BZW1: variants seen among roughly 807,000 people sequenced by gnomAD.
BZW1 encodes the protein basic leucine zipper and W2 domains 1, also known as eIF5-mimic protein 2.
A neutral mutation model predicts 54.1 loss-of-function variants in BZW1; 3 were observed. The observed-to-expected ratio is 0.06, with a 90% CI of 0.03 to 0.14. The LOEUF is 0.14. Ranked by LOEUF, BZW1 falls within the 10% of genes least tolerant of loss-of-function variation. The probability of loss-of-function intolerance (pLI) is 1.00; values close to 1 mark genes in which losing one functional copy is unlikely to be tolerated. For synonymous variants in BZW1, 152 were observed against 162.7 expected (o/e 0.93, Z 0.50); for missense variants, 206 against 491.7 (o/e 0.42, Z 5.50).
At chr2:200,815,072 A>G (rs577836319) in intron 2 of BZW1, among the ~76,000 whole-genome samples, 11 of 152,364 alleles carry the variant, frequency 7.2e-5, no homozygotes, top group African/African-American at 2.6e-4. Context: ...AAAAGCCAAG[A>G]GGCAGTAGGA....
chr2:200,814,668 T>A (rs959798681), intron 2 of BZW1, among the ~76,000 whole-genome samples: 29 of 152,200 alleles, frequency 1.9e-4, no homozygotes, highest in African/African-American at 6.8e-4. Flanking sequence ...GCATGGCGAG[T>A]GAGACTATTT....
chr2:200,816,237 C>A, intron 4 of BZW1, 88 bp from the exon 5 acceptor site: 3 of 896,432 alleles, frequency 3.3e-6, no homozygotes, highest in South Asian at 2.1e-5. Context: ...GTTTAAGCAG[C>A]TCATAAACTT....
chr2:200,812,413 C>T (rs774608455), intron 1 of BZW1: 4 of 1,279,370 alleles, frequency 3.1e-6, no homozygotes, highest in Admixed American at 8.1e-5. Flanking sequence ...GGCGGATGTA[C>T]GGGGCGCCTG....
intron 1 of BZW1, chr2:200,812,227 T>C: frequency 8.1e-7 from 1 of 1,228,332 alleles, no homozygotes; most frequent in Non-Finnish European, 1.0e-6. Context: ...CGGCGCTGGC[T>C]GCGAAGGCAG....
Position 200,815,272 on chromosome 2 carries a change from A to G in BZW1, c.65-69A>G, listed in dbSNP as rs142423808. 8.3e-5 allele frequency: 118 copies of G among 1,428,668 alleles called. No individual in the cohort carries two copies. In the East Asian group the frequency reaches 2.7e-3, roughly 32 times the overall value. 88.5% of individuals were successfully genotyped at this position (1,428,668 alleles called of 1,614,324 possible). On this transcript the variant is annotated intron_variant, in intron 2 of 11. Transcript: ENST00000409600. ...CTTATTTAACAATTGCATCTTCATA[A>G]GGTGATAGTTTTGTGGCATTTTGGT...
intron 3 of BZW1, 25 bp from the exon 4 acceptor site, chr2:200,815,642 G>T (rs768125401): frequency 6.3e-7 from 1 of 1,584,466 alleles, no homozygotes; most frequent in Non-Finnish European, 8.6e-7. Context: ...TGGTTTTGTT[G>T]TATTTTGGTT....
In BZW1 at chr2:200,825,879, C is replaced by T. The variant is rs1320892920; in HGVS notation, c.*3701C>T. The T allele has an allele frequency of 1.3e-5, 2 of 152,200 alleles. No individual in the cohort carries two copies. The highest frequency in any genetic ancestry group is 6.3e-3 in the Middle Eastern group (2 of 316). 9.4% of individuals were successfully genotyped at this position (152,200 alleles called of 1,614,324 possible). A position where few individuals can be genotyped will look rare whatever the true frequency, so the allele number is the denominator to read the frequency against. ...CCAAATTACCTTTGTACAAATATTC[C>T]TCAGATGCTGTCTACAGGTGCCATA... On this transcript the variant is annotated 3_prime_UTR_variant, in exon 12 of 12. Coordinates refer to ENST00000409600, the MANE Select transcript of BZW1 (RefSeq NM_001207067.2).
rs2038573373 is a variant in BZW1, at chr2:200,822,769, CT to C, written c.*592del. Reference sequence around the variant, plus strand: ...GTTTTGTTTTGTTTTGCATTTTTAACTCCAGATATCCTAAAGCTCAATTGTT... The same window carrying C: ...GTTTTGTTTTGTTTTGCATTTTTAACCCAGATATCCTAAAGCTCAATTGTT... On this transcript the variant is annotated 3_prime_UTR_variant, in exon 12 of 12. Coordinates refer to ENST00000409600, the MANE Select transcript of BZW1 (RefSeq NM_001207067.2). 1 of 88,952 alleles carries C rather than the reference CT, an allele frequency of 1.1e-5. No individual in the cohort carries two copies. The highest frequency in any genetic ancestry group is 2.3e-5 in the Non-Finnish European group (1 of 43,600). 5.5% of individuals were successfully genotyped at this position (88,952 alleles called of 1,614,324 possible).
At chr2:200,821,925 C>A (rs1349622444) in intron 11 of BZW1, among the ~76,000 whole-genome samples, 1 of 151,972 alleles carries the variant, frequency 6.6e-6, no homozygotes, top group African/African-American at 2.4e-5. Flanking sequence ...AAAAATTAGC[C>A]AGTTTTGGTG....
chr2:200,821,084 C>T (rs1452074108), intron 10 of BZW1, 99 bp from the exon 11 acceptor site: 2 of 1,398,534 alleles, frequency 1.4e-6, no homozygotes, highest in Non-Finnish European at 2.0e-6. Flanking sequence ...AGCTTTTCAG[C>T]AGTTTGTTTG....
intron 1 of BZW1, chr2:200,812,377 T>G: frequency 7.8e-7 from 1 of 1,284,138 alleles, no homozygotes; most frequent in Non-Finnish European, 9.8e-7. Context: ...GGCCGCCGCC[T>G]CCGCCGCTGC....
rs757469453 is a variant in BZW1, at chr2:200,825,783, C to G, written c.*3605C>G. 4.6e-5 allele frequency: 7 copies of G among 152,236 alleles called. No homozygotes were observed. Among genetic ancestry groups the G allele is most frequent in the Non-Finnish European group, 8.8e-5 (6 of 68,054 alleles). The allele number at this position is 152,236 out of a possible 1,614,324, so 9.4% of individuals were successfully genotyped here. Reference sequence around the variant, plus strand: ...TACTGAAGTAGGCTGCTTGCAGGAACTGACAACTATTGGTTGGCTTTAAAT... The same window carrying G: ...TACTGAAGTAGGCTGCTTGCAGGAAGTGACAACTATTGGTTGGCTTTAAAT... On this transcript the variant is annotated 3_prime_UTR_variant, in exon 12 of 12. Coordinates refer to ENST00000409600, the MANE Select transcript of BZW1 (RefSeq NM_001207067.2).
In BZW1 at chr2:200,813,204, C is replaced by T. The variant is rs369892678; in HGVS notation, c.-10-4C>T. ...ATATTAAGGCTTTATTTCTCCTTTC[C>T]TAGGGTGTCTTTTATGAATAATCAA... On this transcript the variant is annotated splice_polypyrimidine_tract_variant and splice_region_variant and intron_variant, in intron 1 of 11. Coordinates refer to ENST00000409600, the MANE Select transcript of BZW1 (RefSeq NM_001207067.2). The T allele has an allele frequency of 1.2e-4, 192 of 1,611,754 alleles. 1 individual carries two copies. In the East Asian group the frequency reaches 3.6e-3, roughly 31 times the overall value.
chr2:200,824,796 C>G lies in BZW1; in HGVS notation c.*2618C>G, dbSNP rs375504045. On this transcript the variant is annotated 3_prime_UTR_variant, in exon 12 of 12. Coordinates refer to ENST00000409600, the MANE Select transcript of BZW1 (RefSeq NM_001207067.2). ...ACGCCATTCTCCTGCCTCAGCCTCC[C>G]GAGTAGCTGGGACTACAGGCGCCCG... The G allele has an allele frequency of 5.3e-5, 8 of 151,624 alleles. No individual in the cohort carries two copies. The highest frequency in any genetic ancestry group is 2.1e-4 in the South Asian group (1 of 4,806). 9.4% of individuals were successfully genotyped at this position (151,624 alleles called of 1,614,324 possible). A position where few individuals can be genotyped will look rare whatever the true frequency, so the allele number is the denominator to read the frequency against.
intron 2 of BZW1, 141 bp downstream of exon 2, chr2:200,813,422 T>A: frequency 5.9e-6 from 4 of 681,252 alleles, no homozygotes; most frequent in Non-Finnish European, 9.8e-6. Flanking sequence ...TTGACTGCCA[T>A]TTCACATACA....
At position 200,823,563 on chromosome 2, in the gene BZW1, A is replaced by G. The variant is rs1191051768; in HGVS notation, c.*1385A>G. 1 of 152,524 alleles carries G rather than the reference A, an allele frequency of 6.6e-6. No homozygotes were observed. The highest frequency in any genetic ancestry group is 1.5e-5 in the Non-Finnish European group (1 of 68,016). 9.4% of individuals were successfully genotyped at this position (152,524 alleles called of 1,614,324 possible). Reference sequence around the variant, plus strand: ...GGAAATCGCCCCTTTTGAAGGTGCCATTCTTATGAGCCAAAAGTTTGTCAT... The same window carrying G: ...GGAAATCGCCCCTTTTGAAGGTGCCGTTCTTATGAGCCAAAAGTTTGTCAT... On this transcript the variant is annotated 3_prime_UTR_variant, in exon 12 of 12. Coordinates refer to ENST00000409600, the MANE Select transcript of BZW1 (RefSeq NM_001207067.2).
rs2038264408 is a variant in BZW1 at position 200,815,758 on chromosome 2, T to C, written c.333T>C (p.Ala111=). The C allele has an allele frequency of 1.9e-6, 3 of 1,556,556 alleles. No homozygotes were observed. Among genetic ancestry groups the C allele is most frequent in the Non-Finnish European group, 2.6e-6 (3 of 1,152,320 alleles). The change falls in exon 4 of 12, where the codon GCT becomes GCC. Residue 111 remains alanine (A), a synonymous_variant. Transcript: ENST00000409600. The stretch of plus-strand genomic sequence containing the variant: ...ATCTAGAGACCATGCAAGCATTTGC[T>C]CAGGTAAATGAAACTTTACATAATT... ...QEDLETMQAF[A]QVFNKLIRRY...
At chr2:200,821,493 A>G (rs1397046736) in intron 11 of BZW1, among the ~76,000 whole-genome samples, 188 bp downstream of exon 11, 1 of 152,136 alleles carries the variant, frequency 6.6e-6, no homozygotes, top group Non-Finnish European at 1.5e-5. Flanking sequence ...CATAATAGTA[A>G]ATGTTCTTCA....
rs1243162071 is a variant in BZW1 at position 200,824,734 on chromosome 2, C to T, written c.*2556C>T. 3.4e-5 allele frequency: 5 copies of T among 146,392 alleles called. No individual in the cohort carries two copies. Among genetic ancestry groups the T allele is most frequent in the Admixed American group, 2.1e-4 (3 of 14,582 alleles). The allele number at this position is 146,392 out of a possible 1,614,324, so 9.1% of individuals were successfully genotyped here. Reference sequence around the variant, plus strand: ...GTCACCAGGCTGGAGTGCAGTGGCGCGATCTTGGCTCACTGCAAGTTCCGC... The same window carrying T: ...GTCACCAGGCTGGAGTGCAGTGGCGTGATCTTGGCTCACTGCAAGTTCCGC... On this transcript the variant is annotated 3_prime_UTR_variant, in exon 12 of 12. Transcript: ENST00000409600.
Sources: allele counts gnomAD v4.1 joint callset (sites outside exome capture counted in the v4.1 genomes callset), GRCh38; gene constraint gnomAD v4.1.1; transcripts MANE v1.5; gene names NCBI Gene and HGNC (gene_info 2026-07-23, HGNC 2026-07-21).